The following SPOCK3 variants were observed in gnomAD, a reference collection of about 807,000 sequenced individuals.
The protein encoded by SPOCK3 is testican-3.
In SPOCK3, 30 loss-of-function variants were observed where a neutral mutation model predicts 56.6. That is an observed-to-expected ratio of 0.53 (90% CI 0.40 to 0.72). SPOCK3 has a LOEUF of 0.72. Among genes scored for constraint, SPOCK3 ranks in the 30% least tolerant of loss-of-function variants. SPOCK3 has a pLI of 0.00. For missense variants in SPOCK3, 527 were observed against 530.0 expected, an observed-to-expected ratio of 0.99 and a Z score of 0.06; for synonymous variants, 196 against 183.3, an observed-to-expected ratio of 1.07 and a Z score of -0.56.
Position 166,737,422 on chromosome 4 carries a change from A to G in SPOCK3, c.1132+45T>C, listed in dbSNP as rs764953009. The G allele has an allele frequency of 3.8e-6, 6 of 1,585,688 alleles. No individual in the cohort carries two copies. In the African/African-American group the frequency reaches 6.7e-5, roughly 18 times the overall value. On this transcript the variant is annotated intron_variant, in intron 10 of 10. Transcript: ENST00000357545. ...AATGAATGAGGCTCTAAAGCACTTA[A>G]TTCTGTGCTTAGAAAATTATGAAAT... is the stretch of plus-strand genomic sequence containing the variant.
At chr4:166,804,871 C>T (rs764673850) in intron 6 of SPOCK3, among the ~76,000 whole-genome samples, 1 of 152,078 alleles carries the variant, frequency 6.6e-6, no homozygotes, top group African/African-American at 2.4e-5. Flanking sequence ...TTAAGAATTA[C>T]TATTCTGTGG....
intron 9 of SPOCK3, among the ~76,000 whole-genome samples, chr4:166,739,001 G>A (rs948509772): frequency 6.6e-5 from 10 of 151,874 alleles, no homozygotes; most frequent in African/African-American, 1.9e-4. Flanking sequence ...GGGATGGCTG[G>A]GTCAAATGGT....
intron 2 of SPOCK3, among the ~76,000 whole-genome samples, chr4:167,115,536 A>C (rs1396681328): frequency 6.6e-6 from 1 of 152,120 alleles, no homozygotes; most frequent in Admixed American, 6.6e-5. Context: ...ATAATTGTTG[A>C]GGTATTTTTA....
chr4:166,884,676 A>C (rs546760150), intron 6 of SPOCK3, among the ~76,000 whole-genome samples: 87 of 152,258 alleles, frequency 5.7e-4, no homozygotes, highest in Admixed American at 2.2e-3. Context: ...GAGGAAATAC[A>C]TCCATAAATC....
At chr4:167,109,508 A>C (rs1580324724) in intron 2 of SPOCK3, among the ~76,000 whole-genome samples, 1 of 119,336 alleles carries the variant, frequency 8.4e-6, no homozygotes, top group East Asian at 2.3e-4. Context: ...ATTTTATATA[A>C]AATATAATAT....
intron 4 of SPOCK3, among the ~76,000 whole-genome samples, chr4:166,933,798 T>G (rs1384079762): frequency 6.6e-6 from 1 of 152,176 alleles, no homozygotes; most frequent in African/African-American, 2.4e-5. Context: ...TTACTACCAT[T>G]ATAAAATTCT....
intron 6 of SPOCK3, among the ~76,000 whole-genome samples, chr4:166,832,610 T>C (rs576337776): frequency 6.6e-4 from 100 of 152,288 alleles, no homozygotes; most frequent in African/African-American, 2.1e-3. Flanking sequence ...GACACACGTA[T>C]ATTCAATGCA....
rs908604028 is a variant in SPOCK3, at chr4:167,030,946, C to T, written c.236-30483G>A. 4.6e-5 allele frequency among the ~76,000 whole-genome samples: 7 copies of T among 152,128 alleles called. No individual in the cohort carries two copies. In the East Asian group the frequency reaches 1.4e-3, roughly 29 times the overall value. ...TGAACCAGGCACATTGCTCCATTTCCCGTCTGTGAGATATTTGTCATGTGT... is the reference window on the plus strand; with the variant it reads ...TGAACCAGGCACATTGCTCCATTTCTCGTCTGTGAGATATTTGTCATGTGT... On this transcript the variant is annotated intron_variant, in intron 3 of 10. Coordinates refer to ENST00000357545, the MANE Select transcript of SPOCK3 (RefSeq NM_001040159.2).
intron 6 of SPOCK3, among the ~76,000 whole-genome samples, chr4:166,842,972 G>T (rs956082385): frequency 6.6e-6 from 1 of 152,218 alleles, no homozygotes; most frequent in Non-Finnish European, 1.5e-5. Flanking sequence ...CCTGCCCCGC[G>T]GGGAGGCAGC....
intron 6 of SPOCK3, among the ~76,000 whole-genome samples, chr4:166,803,574 C>T (rs1742846889): frequency 6.6e-6 from 1 of 152,104 alleles, no homozygotes. Flanking sequence ...TATGTAATGT[C>T]CTGCAAAACA....
intron 3 of SPOCK3, among the ~76,000 whole-genome samples, chr4:167,004,021 A>G (rs1290616262): frequency 6.6e-6 from 1 of 152,112 alleles, no homozygotes. Context: ...CATTCCCACC[A>G]TTATGGGCTG....
intron 2 of SPOCK3, among the ~76,000 whole-genome samples, chr4:167,145,636 A>C (rs537289980): frequency 6.6e-6 from 1 of 152,078 alleles, no homozygotes; most frequent in South Asian, 2.1e-4. Flanking sequence ...GTAGAAAGAA[A>C]GATCTGGGGG....
intron 4 of SPOCK3, among the ~76,000 whole-genome samples, chr4:166,940,608 T>A (rs1236665510): frequency 6.6e-6 from 1 of 151,500 alleles, no homozygotes; most frequent in Admixed American, 6.6e-5. Flanking sequence ...CTCATTGTAA[T>A]AATAAAAAAC....
chr4:167,187,269 AGTTTTTTTTTTTT>A (rs1309502994), intron 2 of SPOCK3, among the ~76,000 whole-genome samples: 1 of 140,138 alleles, frequency 7.1e-6, no homozygotes, highest in African/African-American at 2.7e-5. Context: ...TTAGGGTTCC[AGTTTTTTTTTTTT>A]TTTCCACTCT....
At chr4:166,735,550 C>G (rs1233478942) in intron 10 of SPOCK3, among the ~76,000 whole-genome samples, 2 of 151,926 alleles carry the variant, frequency 1.3e-5, no homozygotes, top group East Asian at 3.9e-4. Context: ...AGAGATTATC[C>G]TGAATTACCC....
At chr4:167,150,253 C>A (rs1333755064) in intron 2 of SPOCK3, among the ~76,000 whole-genome samples, 1 of 151,750 alleles carries the variant, frequency 6.6e-6, no homozygotes, top group South Asian at 2.1e-4. Flanking sequence ...TTATTAGAAG[C>A]ATGGTTAGTC....
At chr4:167,233,927 GC>G in intron 2 of SPOCK3, 57 bp downstream of exon 2, 2 of 1,504,316 alleles carry the variant, frequency 1.3e-6, no homozygotes, top group Middle Eastern at 1.7e-4. Context: ...GGCGGCCGCG[GC>G]CCCCGCCTCG....
intron 4 of SPOCK3, among the ~76,000 whole-genome samples, chr4:166,986,860 C>A (rs2150104281): frequency 6.6e-6 from 1 of 152,168 alleles, no homozygotes; most frequent in African/African-American, 2.4e-5. Flanking sequence ...AATGAGATAT[C>A]CAATTCATTC....
At chr4:167,205,937 C>T (rs574113305) in intron 2 of SPOCK3, among the ~76,000 whole-genome samples, 73 of 151,806 alleles carry the variant, frequency 4.8e-4, no homozygotes, top group African/African-American at 1.7e-3. Context: ...AGGAAAACTG[C>T]TTAGGTTTTT....
Sources: allele counts gnomAD v4.1 joint callset (sites outside exome capture counted in the v4.1 genomes callset), GRCh38; gene constraint gnomAD v4.1.1; transcripts MANE v1.5; gene names NCBI Gene and HGNC (gene_info 2026-07-23, HGNC 2026-07-21).